KPNA7: variants seen among roughly 807,000 people sequenced by gnomAD.
KPNA7 encodes the protein importin subunit alpha-8.
A neutral mutation model predicts 53.7 loss-of-function variants in KPNA7; 54 were observed. That is an observed-to-expected ratio of 1.01 (90% CI 0.81 to 1.26). The LOEUF (loss-of-function observed/expected upper bound fraction) is 1.26. Among genes scored for constraint, KPNA7 ranks in the 50% most tolerant of loss-of-function variants. The pLI is 0.00. For synonymous variants in KPNA7, 276 were observed against 259.3 expected, an observed-to-expected ratio of 1.06 and a Z score of -0.62; for missense variants, 640 against 644.5, an observed-to-expected ratio of 0.99 and a Z score of 0.07.
intron 3 of KPNA7, among the ~76,000 whole-genome samples, chr7:99,198,937 A>AATTGTATCT (rs1438153379): frequency 3.3e-5 from 5 of 152,208 alleles, no homozygotes; most frequent in African/African-American, 1.2e-4. Context: ...TACAAAAATT[A>AATTGTATCT]ATTGTATCTT....
chr7:99,210,312 G>A (rs1318388949), upstream of KPNA7, among the ~76,000 whole-genome samples: 1 of 152,116 alleles, frequency 6.6e-6, no homozygotes, highest in African/African-American at 2.4e-5. Flanking sequence ...CCTTTTAACT[G>A]TCTTCCCAGT....
the KPNA7 span, among the ~76,000 whole-genome samples, chr7:99,158,446 T>C: frequency 6.6e-6 from 1 of 152,172 alleles, no homozygotes; most frequent in Admixed American, 6.6e-5. Flanking sequence ...TTTGCTCTAC[T>C]TTATGGGAAA....
chr7:99,193,079 A>C lies in KPNA7; in HGVS notation c.576T>G (p.Asp192Glu). The C allele has an allele frequency of 6.6e-7, 1 of 1,504,610 alleles. No homozygotes were observed. The highest frequency in any genetic ancestry group is 1.4e-5 in the African/African-American group (1 of 70,444). 93.2% of individuals were successfully genotyped at this position (1,504,610 alleles called of 1,614,324 possible). A position where few individuals can be genotyped will look rare whatever the true frequency, so the allele number is the denominator to read the frequency against. Residue 192 changes from aspartate to glutamate, a missense_variant, in exon 6 of 11, where the codon GAT becomes GAG. Coordinates refer to ENST00000327442, the MANE Select transcript of KPNA7 (RefSeq NM_001145715.3). ...GGATGGCATTGCTTGTGATGACGTTATCTCTGAACTCTGGGCCATCACCTA... is the reference window on the plus strand; with the variant it reads ...GGATGGCATTGCTTGTGATGACGTTCTCTCTGAACTCTGGGCCATCACCTA... ...NIAGDGPEFR[D>E]NVITSNAIPH...
At chr7:99,161,263 CTCTCT>C in the KPNA7 span, among the ~76,000 whole-genome samples, 1 of 84,998 alleles carries the variant, frequency 1.2e-5, no homozygotes, top group African/African-American at 4.2e-5. Context: ...CTCTCTCTCT[CTCTCT>C]CTGATCACTT....
chr7:99,166,024 T>C, the KPNA7 span, among the ~76,000 whole-genome samples: 9,921 of 152,148 alleles, frequency 0.065, 450 homozygotes, highest in Middle Eastern at 0.13. Context: ...CTTCTCTCTC[T>C]TCCTTCTGCT....
intron 9 of KPNA7, among the ~76,000 whole-genome samples, chr7:99,180,738 TCCCCGTGTCTCTCTCTCTCTCC>T (rs1799161120): frequency 1.1e-5 from 1 of 95,106 alleles, no homozygotes; most frequent in African/African-American, 4.0e-5. Flanking sequence ...TCTCTCTCTC[TCCCCGTGTCTCTCTCTCTCTCC>T]CCGTCTGTGT....
At chr7:99,192,246 A>G (rs551195482) in intron 6 of KPNA7, among the ~76,000 whole-genome samples, 1 of 152,320 alleles carries the variant, frequency 6.6e-6, no homozygotes, top group East Asian at 1.9e-4. Context: ...CACCAGGCAT[A>G]TATGCTAAAC....
Position 99,178,057 on chromosome 7 carries a change from T to C in KPNA7, c.1327A>G (p.Lys443Glu), listed in dbSNP as rs1471843586. The change falls in exon 10 of 11, where the codon AAA (lysine) becomes GAA (glutamate). Residue 443 changes from lysine to glutamate, a missense_variant. By Grantham distance (56) the Lys-to-Glu change is moderately conservative. Coordinates refer to ENST00000327442, the MANE Select transcript of KPNA7 (RefSeq NM_001145715.3). ...VISCILQAAEKRSEKENLCLL... is the reference protein window; with the variant it reads ...VISCILQAAEERSEKENLCLL... ...CACAGGTTTTCCTTCTCAGACCGTT[T>C]CTCTGCCGCCTGTGACCAAGTACAA... 1 of 1,551,516 alleles carries C rather than the reference T, an allele frequency of 6.4e-7. No homozygotes were observed. Among genetic ancestry groups the C allele is most frequent in the Non-Finnish European group, 8.7e-7 (1 of 1,146,890 alleles).
At position 99,173,645 on chromosome 7, in the gene KPNA7, G is replaced by A; in HGVS notation, c.*63C>T. The A allele has an allele frequency of 9.6e-7, 1 of 1,040,202 alleles. No individual in the cohort carries two copies. The highest frequency in any genetic ancestry group is 1.5e-5 in the South Asian group (1 of 67,956). The allele number at this position is 1,040,202 out of a possible 1,614,324, so 64.4% of individuals were successfully genotyped here. A position where few individuals can be genotyped will look rare whatever the true frequency, so the allele number is the denominator to read the frequency against. On this transcript the variant is annotated 3_prime_UTR_variant, in exon 11 of 11. Coordinates refer to ENST00000327442, the MANE Select transcript of KPNA7 (RefSeq NM_001145715.3). ...TTGGGTTACACTAAGATAGAGGACT[G>A]CTGCTTCTTAAAGAAGTTATCCTTT...
chr7:99,216,443 G>A (rs1049896652), intron 1 of KPNA7, among the ~76,000 whole-genome samples: 1 of 152,176 alleles, frequency 6.6e-6, no homozygotes, highest in Admixed American at 6.5e-5. Context: ...GGGGTCTCAG[G>A]CCAGCTCAGC....
chr7:99,215,624 C>A (rs562476522), intron 1 of KPNA7, among the ~76,000 whole-genome samples: 1 of 151,978 alleles, frequency 6.6e-6, no homozygotes, highest in African/African-American at 2.4e-5. Context: ...GCTCGGATTC[C>A]GCTTCTTTCC....
At chr7:99,161,547 C>T in the KPNA7 span, among the ~76,000 whole-genome samples, 9 of 152,238 alleles carry the variant, frequency 5.9e-5, no homozygotes, top group African/African-American at 2.2e-4. Flanking sequence ...CTTACAGAAA[C>T]TCTGTATAAT....
At chr7:99,211,734 C>T (rs1315059108), upstream of KPNA7, among the ~76,000 whole-genome samples, 1 of 152,176 alleles carries the variant, frequency 6.6e-6, no homozygotes, top group African/African-American at 2.4e-5. Context: ...ACAGCCCACA[C>T]CATCCCTCTG....
chr7:99,146,686 T>G, the KPNA7 span, among the ~76,000 whole-genome samples: 1 of 132,002 alleles, frequency 7.6e-6, no homozygotes. Flanking sequence ...CACTTCAGCC[T>G]GGGCAATAGA....
At chr7:99,183,026 C>A (rs993855853) in intron 8 of KPNA7, among the ~76,000 whole-genome samples, 5 of 152,092 alleles carry the variant, frequency 3.3e-5, no homozygotes, top group Non-Finnish European at 7.4e-5. Context: ...GAGGCTGAGG[C>A]AGGCAGATTG....
the KPNA7 span, among the ~76,000 whole-genome samples, chr7:99,155,110 C>T: frequency 6.6e-6 from 1 of 152,168 alleles, no homozygotes; most frequent in Admixed American, 6.6e-5. Context: ...TATCTGTTGG[C>T]TCTTCATTTA....
At chr7:99,164,505 G>A in the KPNA7 span, among the ~76,000 whole-genome samples, 3 of 152,166 alleles carry the variant, frequency 2.0e-5, no homozygotes, top group African/African-American at 7.2e-5. Flanking sequence ...GGGGTAGGGG[G>A]AGGGATAGCA....
Position 99,187,951 on chromosome 7 carries a change from G to C in KPNA7, c.900+349C>G, listed in dbSNP as rs111710337. Reference sequence around the variant, plus strand: ...AGTCGTTTGGGAGGCCGAGGCAGGAGGATCACCTGAGGTCAGGAGTTCGAG... The same window carrying C: ...AGTCGTTTGGGAGGCCGAGGCAGGACGATCACCTGAGGTCAGGAGTTCGAG... On this transcript the variant is annotated intron_variant, in intron 7 of 10. Coordinates refer to ENST00000327442, the MANE Select transcript of KPNA7 (RefSeq NM_001145715.3). Among the ~76,000 whole-genome samples, 1,093 of 151,278 alleles carry C rather than the reference G, an allele frequency of 7.2e-3. 14 individuals carry two copies. Among genetic ancestry groups the C allele is most frequent in the African/African-American group, 0.026 (1,055 of 41,268 alleles).
downstream of KPNA7, among the ~76,000 whole-genome samples, chr7:99,171,381 G>T (rs1272528665): frequency 6.6e-6 from 1 of 152,096 alleles, no homozygotes; most frequent in Non-Finnish European, 1.5e-5. Context: ...CAGCAGGATC[G>T]CTTGATCCCA....
Sources: gnomAD v4.1 joint callset for allele counts (sites outside exome capture counted in the v4.1 genomes callset) on GRCh38, gnomAD v4.1.1 for gene constraint, MANE v1.5 for transcripts, NCBI Gene and HGNC (gene_info 2026-07-23, HGNC 2026-07-21) for gene names.